The following SEMA5A variants were observed in gnomAD, a reference collection of about 807,000 sequenced individuals.
The protein encoded by SEMA5A is semaphorin-5A.
A neutral mutation model predicts 135.5 loss-of-function variants in SEMA5A; 55 were observed. The ratio of observed to expected loss-of-function variants is 0.41; its 90% CI spans 0.33 to 0.51. The LOEUF (loss-of-function observed/expected upper bound fraction) is 0.51, where lower values mean the gene tolerates loss of function less well. Ranked by LOEUF, SEMA5A falls within the 20% of genes least tolerant of loss-of-function variation. The pLI is 0.37. For synonymous variants in SEMA5A, 580 were observed against 546.5 expected (o/e 1.06, Z -0.85); for missense variants, 1,290 against 1,419.9 (o/e 0.91, Z 1.47).
At chr5:9,240,316 T>C (rs938555062) in intron 5 of SEMA5A, among the ~76,000 whole-genome samples, 2 of 152,088 alleles carry the variant, frequency 1.3e-5, no homozygotes, top group African/African-American at 4.8e-5. Context: ...GTTCACTTTC[T>C]ACCTGAATAG....
At chr5:9,096,554 CTGTGTG>C (rs56202626) in intron 16 of SEMA5A, among the ~76,000 whole-genome samples, 1,501 of 144,454 alleles carry the variant, frequency 0.01, 11 homozygotes, top group South Asian at 0.023. Flanking sequence ...TAATATTCCA[CTGTGTG>C]TGTGTGTGTG....
chr5:9,539,105 T>C lies in SEMA5A; in HGVS notation c.-175+6479A>G, dbSNP rs548058515. Among the ~76,000 whole-genome samples, 14 of 152,338 alleles carry C rather than the reference T, an allele frequency of 9.2e-5. No individual in the cohort carries two copies. In the East Asian group the frequency reaches 2.5e-3, roughly 27 times the overall value. ...CCCCAAAAGGCCTAGGCTGCCCATC[T>C]GCAGTCATGTCCAGTTCCCACTGCT... On this transcript the variant is annotated intron_variant, in intron 1 of 22. Transcript: ENST00000382496.
chr5:9,169,886 G>T (rs1743819646), intron 11 of SEMA5A, among the ~76,000 whole-genome samples: 1 of 152,164 alleles, frequency 6.6e-6, no homozygotes, highest in African/African-American at 2.4e-5. Context: ...TATTTATTAA[G>T]AACTTATTTG....
chr5:9,089,567 C>T (rs565450462), intron 16 of SEMA5A, among the ~76,000 whole-genome samples: 2 of 152,208 alleles, frequency 1.3e-5, no homozygotes, highest in South Asian at 2.1e-4. Context: ...GGCAAGAGGG[C>T]TGGAAGGAAT....
intron 1 of SEMA5A, among the ~76,000 whole-genome samples, chr5:9,500,140 G>A (rs897433171): frequency 2.0e-5 from 3 of 152,102 alleles, no homozygotes; most frequent in African/African-American, 7.2e-5. Flanking sequence ...TTGTCAATGG[G>A]CCAACCACAC....
chr5:9,097,526 G>A (rs1739386680), intron 16 of SEMA5A, among the ~76,000 whole-genome samples: 1 of 152,194 alleles, frequency 6.6e-6, no homozygotes, highest in Non-Finnish European at 1.5e-5. Flanking sequence ...ATTTTAGAAA[G>A]GTATTGGAAA....
chr5:9,324,062 A>ATATTT (rs1752758317), intron 4 of SEMA5A, among the ~76,000 whole-genome samples: 1 of 149,426 alleles, frequency 6.7e-6, no homozygotes, highest in South Asian at 2.1e-4. Flanking sequence ...ATTTTAAACA[A>ATATTT]TATTTTATTT....
rs754851807 is a variant in SEMA5A, at chr5:9,226,966, T to G, written c.335A>C (p.Glu112Ala). Reference sequence around the variant, plus strand: ...CACCCGGATGTAGTTCTGACATTCCTCCTGAGGGAAAATAAATAAATTAAT... The same window carrying G: ...CACCCGGATGTAGTTCTGACATTCCGCCTGAGGGAAAATAAATAAATTAAT... Reference protein sequence around the residue: ...KACYSKGKSKEECQNYIRVLL... With the variant: ...KACYSKGKSKAECQNYIRVLL... The change falls in exon 7 of 23, where the codon GAG becomes GCG. Residue 112 changes from glutamate to alanine, a missense_variant and splice_region_variant. Glu to Ala is a moderately radical substitution (Grantham distance 107). This residue lies in a region of SEMA5A where 145 missense variants were observed against 212.0 expected (regional missense o/e 0.68). Transcript: ENST00000382496. The G allele has an allele frequency of 6.7e-7, 1 of 1,488,668 alleles. No homozygotes were observed. 92.2% of individuals were successfully genotyped at this position (1,488,668 alleles called of 1,614,324 possible). A position where few individuals can be genotyped will look rare whatever the true frequency, so the allele number is the denominator to read the frequency against.
intron 1 of SEMA5A, among the ~76,000 whole-genome samples, chr5:9,540,162 G>A (rs557994883): frequency 2.6e-5 from 4 of 152,254 alleles, no homozygotes; most frequent in African/African-American, 9.6e-5. Context: ...AGCCTCCTGC[G>A]TGCCAGGCAC....
At chr5:9,129,071 AAGAG>A (rs576654752) in intron 13 of SEMA5A, among the ~76,000 whole-genome samples, 1 of 152,234 alleles carries the variant, frequency 6.6e-6, no homozygotes, top group Non-Finnish European at 1.5e-5. Flanking sequence ...GTCTTAAGCA[AAGAG>A]ATGCTATAAA....
chr5:9,351,211 T>C (rs1338741402), intron 3 of SEMA5A, among the ~76,000 whole-genome samples: 1 of 152,172 alleles, frequency 6.6e-6, no homozygotes, highest in Admixed American at 6.5e-5. Context: ...AGGATCAAGC[T>C]TGAAACTTCT....
intron 2 of SEMA5A, among the ~76,000 whole-genome samples, chr5:9,388,771 C>T (rs1225914782): frequency 6.6e-6 from 1 of 152,026 alleles, no homozygotes; most frequent in African/African-American, 2.4e-5. Flanking sequence ...TGGTAGCGGG[C>T]ACCTGCAGTC....
intron 5 of SEMA5A, among the ~76,000 whole-genome samples, chr5:9,263,934 C>A (rs890652696): frequency 1.3e-5 from 2 of 152,182 alleles, no homozygotes; most frequent in African/African-American, 4.8e-5. Flanking sequence ...CTCTCCCCAT[C>A]TCCCCTGCAG....
intron 5 of SEMA5A, among the ~76,000 whole-genome samples, chr5:9,287,347 AT>A (rs1750848779): frequency 6.6e-6 from 1 of 152,208 alleles, no homozygotes; most frequent in Admixed American, 6.5e-5. Context: ...TACAATAGAT[AT>A]TATTCAGTTT....
Position 9,042,586 on chromosome 5 carries a change from G to A in SEMA5A, c.*311C>T, listed in dbSNP as rs1257261460. ...GTTCTAAAGAAAGACTCCTTCCAAT[G>A]TGGGTGGCACATTTATAAAATAATG... is the stretch of plus-strand genomic sequence containing the variant. On this transcript the variant is annotated 3_prime_UTR_variant, in exon 23 of 23. Coordinates refer to ENST00000382496, the MANE Select transcript of SEMA5A (RefSeq NM_003966.3). 9.5e-6 allele frequency: 3 copies of A among 315,506 alleles called. No homozygotes were observed. The highest frequency in any genetic ancestry group is 1.2e-5 in the Non-Finnish European group (2 of 170,026). The allele number at this position is 315,506 out of a possible 1,614,324, so 19.5% of individuals were successfully genotyped here.
At chr5:9,162,577 T>TAC (rs1316347948) in intron 11 of SEMA5A, among the ~76,000 whole-genome samples, 7,267 of 127,714 alleles carry the variant, frequency 0.057, 805 homozygotes, top group African/African-American at 0.14. Context: ...TATATATATA[T>TAC]ATATATATAC....
intron 11 of SEMA5A, among the ~76,000 whole-genome samples, chr5:9,168,979 A>C (rs979015547): frequency 2.0e-5 from 3 of 152,192 alleles, no homozygotes; most frequent in Non-Finnish European, 4.4e-5. Flanking sequence ...ACATCACAAG[A>C]CTCAGACCCC....
intron 2 of SEMA5A, among the ~76,000 whole-genome samples, chr5:9,415,604 C>A (rs934682155): frequency 6.6e-6 from 1 of 151,746 alleles, no homozygotes; most frequent in East Asian, 1.9e-4. Flanking sequence ...TTTCAACTGG[C>A]GAAGTATCAA....
chr5:9,055,584 A>T (rs773005945), intron 18 of SEMA5A, among the ~76,000 whole-genome samples: 5 of 152,152 alleles, frequency 3.3e-5, no homozygotes, highest in Non-Finnish European at 5.9e-5. Context: ...GGCAAAGGTA[A>T]AAAGAAAGCA....
Sources: allele counts gnomAD v4.1 joint callset (sites outside exome capture counted in the v4.1 genomes callset), GRCh38; gene constraint gnomAD v4.1.1; regional missense constraint gnomAD v4.1.1; transcripts MANE v1.5; gene names NCBI Gene and HGNC (gene_info 2026-07-23, HGNC 2026-07-21).